The following HPSE2 variants were observed in gnomAD, a reference collection of about 807,000 sequenced individuals.
HPSE2 encodes the protein inactive heparanase-2.
A neutral mutation model predicts 60.5 loss-of-function variants in HPSE2; 38 were observed. The ratio of observed to expected loss-of-function variants is 0.63; its 90% CI spans 0.48 to 0.82. HPSE2 has a LOEUF of 0.82. HPSE2 is among the 40% of genes least tolerant of loss of function. HPSE2 has a pLI of 0.00. For synonymous variants in HPSE2, 295 were observed against 293.2 expected (o/e 1.01, Z -0.06); for missense variants, 713 against 740.4 (o/e 0.96, Z 0.43).
intron 11 of HPSE2, among the ~76,000 whole-genome samples, chr10:98,478,127 G>A (rs1941095862): frequency 1.3e-5 from 2 of 152,180 alleles, no homozygotes; most frequent in Admixed American, 1.3e-4. Flanking sequence ...GGTAGATTCT[G>A]TATTTTGCAG....
chr10:98,679,712 T>G (rs1161403280), intron 6 of HPSE2, among the ~76,000 whole-genome samples: 2 of 152,190 alleles, frequency 1.3e-5, no homozygotes, highest in African/African-American at 4.8e-5. Flanking sequence ...TTCTGAGAAA[T>G]AGGGTCTTGC....
At chr10:98,674,412 G>C (rs968147974) in intron 6 of HPSE2, among the ~76,000 whole-genome samples, 1 of 152,170 alleles carries the variant, frequency 6.6e-6, no homozygotes, top group Non-Finnish European at 1.5e-5. Flanking sequence ...TGCTTTTGAC[G>C]GTAGCAGCCT....
chr10:99,215,513 T>C (rs1732752679), intron 2 of HPSE2, among the ~76,000 whole-genome samples: 1 of 152,122 alleles, frequency 6.6e-6, no homozygotes, highest in South Asian at 2.1e-4. Context: ...ATCTAATGCA[T>C]GCAGGGCTTA....
chr10:99,136,321 A>G (rs960166463), intron 3 of HPSE2, among the ~76,000 whole-genome samples: 14 of 152,160 alleles, frequency 9.2e-5, no homozygotes, highest in Admixed American at 6.5e-4. Flanking sequence ...ACAAAGAGGA[A>G]CAGGTACCAT....
chr10:98,551,853 C>T (rs1943873878), intron 9 of HPSE2, among the ~76,000 whole-genome samples: 2 of 152,134 alleles, frequency 1.3e-5, no homozygotes, highest in Admixed American at 6.6e-5. Context: ...TAAACATCAT[C>T]TAAGGTGCTT....
chr10:98,869,392 C>T (rs937953418), intron 3 of HPSE2, among the ~76,000 whole-genome samples: 2 of 152,016 alleles, frequency 1.3e-5, no homozygotes, highest in Admixed American at 6.6e-5. Context: ...GTTTTAATCC[C>T]TTTAAAGTAG....
intron 11 of HPSE2, 133 bp downstream of exon 11, chr10:98,482,503 C>T (rs776009559): frequency 4.7e-5 from 52 of 1,096,996 alleles, no homozygotes; most frequent in Middle Eastern, 5.8e-4. Context: ...TCACCTGACC[C>T]CAGACCGCTC....
At chr10:98,692,355 A>G (rs1455138246) in intron 6 of HPSE2, among the ~76,000 whole-genome samples, 2 of 152,026 alleles carry the variant, frequency 1.3e-5, no homozygotes, top group Non-Finnish European at 2.9e-5. Context: ...AGCAGAGGCC[A>G]AACACAAAAG....
intron 3 of HPSE2, among the ~76,000 whole-genome samples, chr10:99,110,933 T>A (rs1235787576): frequency 6.6e-6 from 1 of 152,188 alleles, no homozygotes; most frequent in Non-Finnish European, 1.5e-5. Context: ...AAGTGATCCA[T>A]TAAAATGGTT....
At chr10:99,275,547 C>T in the HPSE2 span, among the ~76,000 whole-genome samples, 5 of 150,990 alleles carry the variant, frequency 3.3e-5, no homozygotes, top group African/African-American at 1.2e-4. Context: ...TTAAGTATTA[C>T]CTGCTTTGGT....
intron 3 of HPSE2, among the ~76,000 whole-genome samples, chr10:99,014,795 G>A (rs1338794786): frequency 1.3e-5 from 2 of 151,940 alleles, no homozygotes; most frequent in Admixed American, 6.6e-5. Flanking sequence ...CAAAAGCAAT[G>A]GCAACAAAAG....
At chr10:98,867,152 T>C (rs1199385030) in intron 3 of HPSE2, among the ~76,000 whole-genome samples, 1 of 152,052 alleles carries the variant, frequency 6.6e-6, no homozygotes, top group Non-Finnish European at 1.5e-5. Flanking sequence ...TTTGAGGAGA[T>C]AGAGATAACA....
chr10:98,497,927 T>TA (rs936188272), intron 9 of HPSE2, among the ~76,000 whole-genome samples: 3 of 152,250 alleles, frequency 2.0e-5, no homozygotes, highest in Non-Finnish European at 4.4e-5. Context: ...AGTCATGTTT[T>TA]ATCCTTAATT....
At chr10:98,753,536 G>A (rs1949807988) in intron 3 of HPSE2, among the ~76,000 whole-genome samples, 1 of 152,192 alleles carries the variant, frequency 6.6e-6, no homozygotes, top group Non-Finnish European at 1.5e-5. Context: ...ACAAAATGTG[G>A]TATATCAATA....
the HPSE2 span, among the ~76,000 whole-genome samples, chr10:99,302,465 A>G: frequency 6.6e-6 from 1 of 152,156 alleles, no homozygotes; most frequent in African/African-American, 2.4e-5. Context: ...GCTCTGGCTG[A>G]CAGAGCAGCT....
chr10:98,697,423 C>G (rs1948255455), intron 5 of HPSE2, among the ~76,000 whole-genome samples: 2 of 152,084 alleles, frequency 1.3e-5, no homozygotes, highest in Admixed American at 6.6e-5. Flanking sequence ...TGAAGACCAT[C>G]TTGCTGAAAT....
chr10:98,714,895 A>G (rs909694440), intron 5 of HPSE2, among the ~76,000 whole-genome samples: 36 of 151,982 alleles, frequency 2.4e-4, no homozygotes, highest in Admixed American at 2.2e-3. Context: ...GTGAGGTGGT[A>G]TCTCGCTGTG....
chr10:99,163,507 T>C (rs1317961506), intron 2 of HPSE2, among the ~76,000 whole-genome samples: 1 of 152,224 alleles, frequency 6.6e-6, no homozygotes, highest in Non-Finnish European at 1.5e-5. Flanking sequence ...TGTACATGTA[T>C]GGGCTTTCAT....
At chr10:98,897,157 T>C (rs1308267633) in intron 3 of HPSE2, among the ~76,000 whole-genome samples, 1 of 152,028 alleles carries the variant, frequency 6.6e-6, no homozygotes, top group Admixed American at 6.6e-5. Context: ...GCATAAGAAT[T>C]ATATAATGGA....
Sources: allele counts gnomAD v4.1 joint callset (sites outside exome capture counted in the v4.1 genomes callset), GRCh38; gene constraint gnomAD v4.1.1; transcripts MANE v1.5; gene names NCBI Gene and HGNC (gene_info 2026-07-23, HGNC 2026-07-21).